The following ZFHX3 variants were observed in gnomAD, a reference collection of about 807,000 sequenced individuals.
The protein encoded by ZFHX3 is zinc finger homeobox protein 3.
ZFHX3 carries 42 observed loss-of-function variants against 279.1 expected under a neutral mutation model. The ratio of observed to expected loss-of-function variants is 0.15; its 90% CI spans 0.12 to 0.19. ZFHX3 has a LOEUF of 0.19. Ranked by LOEUF, ZFHX3 falls within the 10% of genes least tolerant of loss-of-function variation. The pLI is 1.00. For synonymous variants in ZFHX3, 2,293 were observed against 1,957.8 expected, an observed-to-expected ratio of 1.17 and a Z score of -4.52; for missense variants, 4,981 against 4,754.0, an observed-to-expected ratio of 1.05 and a Z score of -1.40.
At chr16:73,544,475 T>C (rs1389529757) in intron 2 of ZFHX3, among the ~76,000 whole-genome samples, 1 of 152,134 alleles carries the variant, frequency 6.6e-6, no homozygotes, top group Admixed American at 6.5e-5. Flanking sequence ...GGGGCATTGC[T>C]GGCTGGCTGT....
At chr16:73,299,014 G>C (rs1331013755) in intron 4 of ZFHX3, among the ~76,000 whole-genome samples, 2 of 152,142 alleles carry the variant, frequency 1.3e-5, no homozygotes, top group East Asian at 3.9e-4. Context: ...TTCCAGAAAA[G>C]GGTGTTCTTA....
intron 2 of ZFHX3, among the ~76,000 whole-genome samples, chr16:73,510,791 A>G (rs1469038711): frequency 6.6e-6 from 1 of 152,240 alleles, no homozygotes; most frequent in East Asian, 1.9e-4. Context: ...TCAGTGTTCC[A>G]TGTCCTTGCT....
intron 5 of ZFHX3, among the ~76,000 whole-genome samples, chr16:73,168,717 G>A (rs1268524279): frequency 6.6e-6 from 1 of 152,144 alleles, no homozygotes; most frequent in Non-Finnish European, 1.5e-5. Flanking sequence ...AAGGGCAACA[G>A]AATACAAATG....
intron 7 of ZFHX3, among the ~76,000 whole-genome samples, chr16:73,104,882 T>C (rs1223262254): frequency 6.6e-6 from 1 of 152,154 alleles, no homozygotes; most frequent in Non-Finnish European, 1.5e-5. Context: ...ATCATATGGC[T>C]GAATGATCAA....
intron 1 of ZFHX3, among the ~76,000 whole-genome samples, chr16:73,717,930 C>A (rs968765140): frequency 1.3e-5 from 2 of 152,214 alleles, no homozygotes; most frequent in Non-Finnish European, 2.9e-5. Context: ...CATCACTATG[C>A]AGAATGAAAA....
intron 4 of ZFHX3, among the ~76,000 whole-genome samples, chr16:73,287,084 GTGTGGGTAA>G (rs2014629908): frequency 6.8e-6 from 1 of 147,632 alleles, no homozygotes; most frequent in African/African-American, 2.5e-5. Flanking sequence ...CTGTGTGGGT[GTGTGGGTAA>G]GTGTGTGGCT....
At chr16:73,014,649 C>G (rs1220567839) in intron 1 of ZFHX3, among the ~76,000 whole-genome samples, 1 of 150,736 alleles carries the variant, frequency 6.6e-6, no homozygotes, top group East Asian at 2.0e-4. Context: ...GCCTCAGCCT[C>G]CTGAGTAGCT....
chr16:73,248,629 T>C (rs1046075054), intron 5 of ZFHX3, among the ~76,000 whole-genome samples: 11 of 139,554 alleles, frequency 7.9e-5, no homozygotes, highest in African/African-American at 3.0e-4. Flanking sequence ...TCTACGTGCC[T>C]GTATGTGGAG....
chr16:73,607,002 C>A (rs2052193477), intron 2 of ZFHX3, among the ~76,000 whole-genome samples: 1 of 152,184 alleles, frequency 6.6e-6, no homozygotes, highest in South Asian at 2.1e-4. Flanking sequence ...CAAACAACAA[C>A]AACAAAAACA....
chr16:73,679,769 A>G (rs1474633907), intron 2 of ZFHX3: 2 of 152,214 alleles, frequency 1.3e-5, no homozygotes, highest in Non-Finnish European at 2.9e-5. Flanking sequence ...TACTTTACCA[A>G]GACCAGCAGC....
At chr16:73,464,019 A>C (rs2018517777) in intron 2 of ZFHX3, among the ~76,000 whole-genome samples, 1 of 152,236 alleles carries the variant, frequency 6.6e-6, no homozygotes, top group South Asian at 2.1e-4. Flanking sequence ...GCAGAAATGA[A>C]CATTTAAGTG....
At chr16:73,353,297 GT>G (rs1452754946) in intron 3 of ZFHX3, among the ~76,000 whole-genome samples, 1 of 152,114 alleles carries the variant, frequency 6.6e-6, no homozygotes, top group Non-Finnish European at 1.5e-5. Flanking sequence ...TTTTCACCGA[GT>G]CCCCCTGGCC....
At chr16:73,612,798 C>T (rs1320684183) in intron 2 of ZFHX3, among the ~76,000 whole-genome samples, 2 of 151,974 alleles carry the variant, frequency 1.3e-5, no homozygotes, top group Non-Finnish European at 1.5e-5. Flanking sequence ...AAATTAGCTG[C>T]ATTCTGAAAG....
rs547079306 is a variant in ZFHX3, at chr16:73,624,699, T to G, written c.-1547+55481A>C. Among the ~76,000 whole-genome samples the G allele has an allele frequency of 2.0e-5, 3 of 151,774 alleles. No individual in the cohort carries two copies. The South Asian group carries it at 6.3e-4, about 32-fold the overall frequency. ...AATATGCCGACTTCATAAAGCACAT[T>G]TCATCAAATGTGTGAGCTTAATACA... On this transcript the variant is annotated intron_variant, in intron 2 of 17. Coordinates refer to the ZFHX3 transcript ENST00000641206.
At chr16:73,724,258 C>A (rs77658529) in intron 1 of ZFHX3, among the ~76,000 whole-genome samples, 2,197 of 152,246 alleles carry the variant, frequency 0.014, 48 homozygotes, top group African/African-American at 0.05. Flanking sequence ...AATTTAAAAC[C>A]TTTACTAGTC....
At chr16:73,808,910 G>A (rs1960354786) in intron 1 of ZFHX3, among the ~76,000 whole-genome samples, 1 of 152,188 alleles carries the variant, frequency 6.6e-6, no homozygotes, top group Non-Finnish European at 1.5e-5. Context: ...ACATCCAGAA[G>A]TTTAAGAGTC....
At chr16:73,690,683 A>G (rs1397889713) in intron 1 of ZFHX3, among the ~76,000 whole-genome samples, 2 of 152,212 alleles carry the variant, frequency 1.3e-5, no homozygotes, top group African/African-American at 2.4e-5. Flanking sequence ...TTGAAAATAA[A>G]TTGTGCATTG....
At position 73,732,326 on chromosome 16, in the gene ZFHX3, TTATCTGCTGGC is replaced by T. The variant is rs763870811; in HGVS notation, c.-1607-52097_-1607-52087del. On this transcript the variant is annotated intron_variant, in intron 1 of 17. Coordinates refer to the ZFHX3 transcript ENST00000641206. ...ACCAAAGGCCTAATGATCCATGGAA[TTATCTGCTGGC>T]CAACAGAGAAGGATCAGAGTTCAGC... is the stretch of plus-strand genomic sequence containing the variant. Among the ~76,000 whole-genome samples the T allele has an allele frequency of 1.1e-3, 174 of 152,328 alleles. 1 individual carries two copies. Among genetic ancestry groups the T allele is most frequent in the Non-Finnish European group, 2.2e-3 (148 of 68,030 alleles).
At chr16:73,513,879 T>C (rs2019476131) in intron 2 of ZFHX3, among the ~76,000 whole-genome samples, 1 of 151,892 alleles carries the variant, frequency 6.6e-6, no homozygotes, top group Non-Finnish European at 1.5e-5. Flanking sequence ...ACTGTCAGCT[T>C]TCCTTGCTTC....
Sources: gnomAD v4.1 joint callset for allele counts (sites outside exome capture counted in the v4.1 genomes callset) on GRCh38, gnomAD v4.1.1 for gene constraint, MANE v1.5 for transcripts, NCBI Gene and HGNC (gene_info 2026-07-23, HGNC 2026-07-21) for gene names.